ZCRB1: variants seen among roughly 807,000 people sequenced by gnomAD.
ZCRB1 encodes the protein zinc finger CCHC-type and RNA binding motif containing 1, also known as zinc finger CCHC-type and RNA-binding motif-containing protein 1.
In ZCRB1, 21 loss-of-function variants were observed where a neutral mutation model predicts 29.9. The observed-to-expected ratio is 0.70, with a 90% CI of 0.50 to 1.01. The LOEUF is 1.01. Among genes scored for constraint, ZCRB1 ranks in the 50% least tolerant of loss-of-function variants. The pLI, the probability that ZCRB1 is intolerant of heterozygous loss-of-function variation, is 0.00. For missense variants in ZCRB1, 204 were observed against 253.3 expected (o/e 0.81, Z 1.32); for synonymous variants, 77 against 80.0 (o/e 0.96, Z 0.20).
chr12:42,316,504 G>A (rs1035338843), intron 5 of ZCRB1, among the ~76,000 whole-genome samples: 1 of 151,692 alleles, frequency 6.6e-6, no homozygotes. Flanking sequence ...TTATTCTATG[G>A]CTGTCTCTCT....
intron 1 of ZCRB1, chr12:42,325,468 T>C (rs1378954262): frequency 5.9e-5 from 9 of 152,202 alleles, no homozygotes; most frequent in Non-Finnish European, 4.4e-5. Flanking sequence ...TATGTGTGTA[T>C]ATGTATATAA....
intron 5 of ZCRB1, among the ~76,000 whole-genome samples, chr12:42,315,442 T>C (rs2068590249): frequency 1.3e-5 from 2 of 152,128 alleles, no homozygotes; most frequent in Non-Finnish European, 2.9e-5. Context: ...CTTAAAGAGG[T>C]TACTTACTGT....
intron 3 of ZCRB1, among the ~76,000 whole-genome samples, chr12:42,320,592 TG>T (rs1246961326): frequency 1.3e-5 from 2 of 152,038 alleles, no homozygotes; most frequent in Non-Finnish European, 2.9e-5. Flanking sequence ...GGATTACAGG[TG>T]TGTACCACCA....
At chr12:42,322,303 T>C in intron 3 of ZCRB1, 115 bp downstream of exon 3, 1 of 1,039,386 alleles carries the variant, frequency 9.6e-7, no homozygotes, top group Non-Finnish European at 1.3e-6. Flanking sequence ...GTTAATAGTA[T>C]TTTCTTTATT....
rs936014134 is a variant in ZCRB1, at chr12:42,312,384, G to C, written c.*683C>G. On this transcript the variant is annotated 3_prime_UTR_variant, in exon 8 of 8. Coordinates refer to ENST00000266529, the MANE Select transcript of ZCRB1 (RefSeq NM_033114.4). ...AAACGTAATCATAGCATATTCCTTG[G>C]CTCAGAAATGAAAAGTATTTACTTG... The C allele has an allele frequency of 6.6e-6, 1 of 151,924 alleles. No individual in the cohort carries two copies. Among genetic ancestry groups the C allele is most frequent in the Non-Finnish European group, 1.5e-5 (1 of 67,958 alleles). 9.4% of individuals were successfully genotyped at this position (151,924 alleles called of 1,614,324 possible).
intron 3 of ZCRB1, 83 bp downstream of exon 3, chr12:42,322,335 T>A (rs1326298138): frequency 2.2e-5 from 28 of 1,267,160 alleles, no homozygotes; most frequent in Admixed American, 3.2e-5. Flanking sequence ...GTTTTATTTT[T>A]AAAAATCTGT....
At chr12:42,319,107 G>T (rs2068608918) in intron 3 of ZCRB1, among the ~76,000 whole-genome samples, 1 of 152,144 alleles carries the variant, frequency 6.6e-6, no homozygotes, top group African/African-American at 2.4e-5. Flanking sequence ...CGTAATGTTT[G>T]TGAAAGTTAT....
chr12:42,323,827 C>G, intron 2 of ZCRB1, 192 bp downstream of exon 2: 1 of 568,072 alleles, frequency 1.8e-6, no homozygotes, highest in Non-Finnish European at 3.1e-6. Context: ...GTGGGAGGAT[C>G]ACCTGAGGGG....
chr12:42,325,849 G>A (rs1259034329), intron 1 of ZCRB1, 75 bp downstream of exon 1: 3 of 152,530 alleles, frequency 2.0e-5, no homozygotes, highest in Admixed American at 6.5e-5. Context: ...GGGAGAGAGG[G>A]GCAGAGCGTT....
At chr12:42,319,112 A>G (rs886242788) in intron 3 of ZCRB1, among the ~76,000 whole-genome samples, 1 of 152,124 alleles carries the variant, frequency 6.6e-6, no homozygotes, top group Non-Finnish European at 1.5e-5. Flanking sequence ...TGTTTGTGAA[A>G]GTTATCAGTC....
intron 5 of ZCRB1, among the ~76,000 whole-genome samples, chr12:42,314,582 C>CAA (rs112388905): frequency 2.5e-4 from 32 of 129,506 alleles, no homozygotes; most frequent in African/African-American, 8.1e-4. Flanking sequence ...AACTCCGTCT[C>CAA]AAAAAAAAAA....
rs781682347 is a variant in ZCRB1 at position 42,317,815 on chromosome 12, T to G, written c.197A>C (p.Asn66Thr). 2 of 1,613,410 alleles carry G rather than the reference T, an allele frequency of 1.2e-6. No individual in the cohort carries two copies. The highest frequency in any genetic ancestry group is 4.5e-5 in the East Asian group (2 of 44,840). Residue 66 changes from asparagine to threonine, a missense_variant, in exon 4 of 8, where the codon AAC (asparagine) becomes ACC (threonine). Asn to Thr is a moderately conservative substitution (Grantham distance 65, BLOSUM62 0). Transcript: ENST00000266529. Reference protein sequence around the residue: ...ILFLDKDSAQNCTRAINNKQL... With the variant: ...ILFLDKDSAQTCTRAINNKQL... ...TTTGTTGTTTATTGCCCTGGTACAG[T>G]TTTGTGCAGAGTCTTTATCCAAAAA...
At chr12:42,322,855 T>G (rs1190643903) in intron 2 of ZCRB1, among the ~76,000 whole-genome samples, 1 of 152,212 alleles carries the variant, frequency 6.6e-6, no homozygotes, top group Non-Finnish European at 1.5e-5. Flanking sequence ...CACCACTACC[T>G]TGTTATTCCT....
intron 5 of ZCRB1, among the ~76,000 whole-genome samples, chr12:42,314,397 TAAAAAAAAAAAAAAAAAAAA>T (rs71084639): frequency 3.6e-5 from 1 of 27,736 alleles, no homozygotes; most frequent in Non-Finnish European, 5.9e-5. Flanking sequence ...CCGTCTCTAC[TAAAAAAAAAAAAAAAAAAAA>T]AAAAAAAAAA....
At chr12:42,319,866 G>C (rs557384088) in intron 3 of ZCRB1, among the ~76,000 whole-genome samples, 38 of 152,284 alleles carry the variant, frequency 2.5e-4, no homozygotes, top group African/African-American at 8.7e-4. Flanking sequence ...AGAGTACATT[G>C]TGTGTGTTCA....
chr12:42,318,636 C>G (rs2068606391), intron 3 of ZCRB1, among the ~76,000 whole-genome samples: 1 of 152,120 alleles, frequency 6.6e-6, no homozygotes, highest in African/African-American at 2.4e-5. Context: ...AGTTTAAAAA[C>G]AATGTTCAAC....
chr12:42,324,694 T>C (rs912525869), intron 1 of ZCRB1, among the ~76,000 whole-genome samples: 3 of 152,224 alleles, frequency 2.0e-5, no homozygotes, highest in African/African-American at 7.2e-5. Context: ...TTCTTTCAAG[T>C]ATTCTTTATA....
chr12:42,320,047 A>C (rs1212986294), intron 3 of ZCRB1, among the ~76,000 whole-genome samples: 1 of 152,182 alleles, frequency 6.6e-6, no homozygotes, highest in Non-Finnish European at 1.5e-5. Context: ...GAAAAAAAAA[A>C]TTACATCAGA....
chr12:42,323,138 T>C (rs1302797818), intron 2 of ZCRB1, among the ~76,000 whole-genome samples: 1 of 152,216 alleles, frequency 6.6e-6, no homozygotes, highest in Non-Finnish European at 1.5e-5. Flanking sequence ...TAGAATGTGT[T>C]AGTATATGCA....
Sources: allele counts gnomAD v4.1 joint callset (sites outside exome capture counted in the v4.1 genomes callset), GRCh38; gene constraint gnomAD v4.1.1; transcripts MANE v1.5; gene names NCBI Gene and HGNC (gene_info 2026-07-23, HGNC 2026-07-21).